Variants in MTPAP observed in about 807,000 individuals in gnomAD.
MTPAP encodes poly(A) RNA polymerase, mitochondrial.
MTPAP carries 23 observed loss-of-function variants against 48.7 expected under a neutral mutation model. That is an observed-to-expected ratio of 0.47 (90% confidence interval 0.34 to 0.67). The LOEUF (loss-of-function observed/expected upper bound fraction) is 0.67, where lower values mean the gene tolerates loss of function less well. Among genes scored for constraint, MTPAP ranks in the 30% least tolerant of loss-of-function variants. MTPAP has a pLI of 0.01. For synonymous variants in MTPAP, 257 were observed against 254.1 expected (o/e 1.01, Z -0.11); for missense variants, 614 against 694.3 (o/e 0.88, Z 1.30).
Position 30,313,226 on chromosome 10 carries a change from A to G in MTPAP, c.*383T>C. On this transcript the variant is annotated 3_prime_UTR_variant, in exon 9 of 9. Coordinates refer to ENST00000263063, the MANE Select transcript of MTPAP (RefSeq NM_018109.4). ...TTTACCTATTTAGTTAAAGCACATT[A>G]CAATAATCTTTCACCCATTCCTTGT... 4.1e-6 allele frequency: 1 copy of G among 246,264 alleles called. No homozygotes were observed. Among genetic ancestry groups the G allele is most frequent in the Non-Finnish European group, 8.0e-6 (1 of 125,146 alleles). The allele number at this position is 246,264 out of a possible 1,614,324, so 15.3% of individuals were successfully genotyped here. A position where few individuals can be genotyped will look rare whatever the true frequency, so the allele number is the denominator to read the frequency against.
rs141051434 is a variant in MTPAP at position 30,333,663 on chromosome 10, G to A, written c.780+3140C>T. ...GCTTACGCTTGTAATCCCTATAATCGTAGCACTTGGGGAGGCCGAGGTGGG... is the reference window on the plus strand; with the variant it reads ...GCTTACGCTTGTAATCCCTATAATCATAGCACTTGGGGAGGCCGAGGTGGG... On this transcript the variant is annotated intron_variant, in intron 4 of 8. Transcript: ENST00000263063. Among the ~76,000 whole-genome samples, 168 of 152,212 alleles carry A rather than the reference G, an allele frequency of 1.1e-3. 2 individuals are homozygous for A. Among genetic ancestry groups the A allele is most frequent in the African/African-American group, 3.8e-3 (159 of 41,514 alleles).
chr10:30,335,211 G>A (rs550009272), intron 4 of MTPAP, among the ~76,000 whole-genome samples: 4 of 152,214 alleles, frequency 2.6e-5, no homozygotes, highest in Non-Finnish European at 5.9e-5. Context: ...CCTTGGCCGC[G>A]TGTGGTGACT....
intron 4 of MTPAP, among the ~76,000 whole-genome samples, chr10:30,329,836 C>T (rs1422351356): frequency 6.6e-6 from 1 of 151,956 alleles, no homozygotes; most frequent in Non-Finnish European, 1.5e-5. Flanking sequence ...AATTATGGTA[C>T]ATCCATTCAA....
Position 30,315,502 on chromosome 10 carries a change from CA to C in MTPAP, c.1386+460del, listed in dbSNP as rs72362075. Among the ~76,000 whole-genome samples, 77 of 127,228 alleles carry C rather than the reference CA, an allele frequency of 6.1e-4. 1 individual carries two copies. Among genetic ancestry groups the C allele is most frequent in the Admixed American group, 4.9e-3 (58 of 11,956 alleles). 83.5% of individuals were successfully genotyped at this position (127,228 alleles called of 152,430 possible). On this transcript the variant is annotated intron_variant, in intron 8 of 8. Coordinates refer to ENST00000263063, the MANE Select transcript of MTPAP (RefSeq NM_018109.4). The stretch of plus-strand genomic sequence containing the variant: ...AATCCAAATCGTAAGTTCATTTGCT[CA>C]AAAAAAAAAAACAAAACAAAACAAA...
At chr10:30,315,780 A>G (rs1287569282) in intron 8 of MTPAP, among the ~76,000 whole-genome samples, 183 bp downstream of exon 8, 1 of 152,234 alleles carries the variant, frequency 6.6e-6, no homozygotes, top group Non-Finnish European at 1.5e-5. Context: ...ACTATTTGGC[A>G]TAAAGGGATG....
At position 30,347,144 on chromosome 10, in the gene MTPAP, T is replaced by C. The variant is rs537136591; in HGVS notation, c.157+1975A>G. Among the ~76,000 whole-genome samples the C allele has an allele frequency of 9.8e-4, 149 of 152,336 alleles. 1 individual carries two copies. Among genetic ancestry groups the C allele is most frequent in the African/African-American group, 3.5e-3 (146 of 41,576 alleles). ...ATCCCGAATAATACACCATGTACTCTTATTGTCTTTCTACTACAGCTCTTT... is the reference window on the plus strand; with the variant it reads ...ATCCCGAATAATACACCATGTACTCCTATTGTCTTTCTACTACAGCTCTTT... On this transcript the variant is annotated intron_variant, in intron 1 of 8. Coordinates refer to ENST00000263063, the MANE Select transcript of MTPAP (RefSeq NM_018109.4).
intron 5 of MTPAP, among the ~76,000 whole-genome samples, chr10:30,323,148 AAAG>A (rs1840745774): frequency 7.0e-6 from 1 of 143,028 alleles, no homozygotes. Flanking sequence ...AAAAAAAAAA[AAAG>A]AAAGAAAATG....
At chr10:30,320,792 A>G (rs1840715952) in intron 6 of MTPAP, among the ~76,000 whole-genome samples, 1 of 152,192 alleles carries the variant, frequency 6.6e-6, no homozygotes, top group African/African-American at 2.4e-5. Flanking sequence ...CAAGATGCTT[A>G]GGAGTAGTCT....
At chr10:30,330,584 G>A (rs1834653629) in intron 4 of MTPAP, among the ~76,000 whole-genome samples, 2 of 152,200 alleles carry the variant, frequency 1.3e-5, no homozygotes, top group Admixed American at 1.3e-4. Flanking sequence ...AAATAGCTCT[G>A]ATTAATGGAA....
chr10:30,315,873 C>A, intron 8 of MTPAP, 90 bp downstream of exon 8: 1 of 1,282,056 alleles, frequency 7.8e-7, no homozygotes, highest in Non-Finnish European at 1.1e-6. Context: ...AAATAAATAA[C>A]ATTTATTAGA....
chr10:30,348,493 C>G (rs1834896633), intron 1 of MTPAP, among the ~76,000 whole-genome samples: 1 of 152,160 alleles, frequency 6.6e-6, no homozygotes, highest in African/African-American at 2.4e-5. Flanking sequence ...GCTCTTGAGT[C>G]ACAAGAGAGG....
At chr10:30,314,918 A>G (rs1280925716) in intron 8 of MTPAP, among the ~76,000 whole-genome samples, 1 of 151,822 alleles carries the variant, frequency 6.6e-6, no homozygotes, top group East Asian at 1.9e-4. Context: ...AGAGAAAAGA[A>G]AAAGAAAAGC....
intron 1 of MTPAP, among the ~76,000 whole-genome samples, chr10:30,345,936 T>C (rs1834868941): frequency 6.6e-6 from 1 of 150,966 alleles, no homozygotes; most frequent in South Asian, 2.1e-4. Context: ...TAATCCCAGG[T>C]ACTCAAGAGG....
intron 2 of MTPAP, among the ~76,000 whole-genome samples, chr10:30,341,166 G>A (rs915614214): frequency 2.0e-5 from 3 of 152,066 alleles, no homozygotes; most frequent in South Asian, 2.1e-4. Flanking sequence ...CAATATGATC[G>A]TACCTGCCAA....
chr10:30,326,488 A>G lies in MTPAP; in HGVS notation c.928T>C (p.Cys310Arg). The stretch of plus-strand genomic sequence containing the variant: ...TGGTGTGAGAACCTCACGAGCGGAC[A>G]CCGGGCATTTAATATTTTTTGCACA... Reference protein sequence around the residue: ...VGVQKILNARCPLVRFSHQAS... With the variant: ...VGVQKILNARRPLVRFSHQAS... The change falls in exon 5 of 9, where the codon TGT (cysteine) becomes CGT (arginine). Residue 310 changes from cysteine to arginine, a missense_variant. By Grantham distance (180) the Cys-to-Arg change is radical. This residue lies in a region of MTPAP where 261 missense variants were observed against 355.4 expected (regional missense o/e 0.73). Coordinates refer to ENST00000263063, the MANE Select transcript of MTPAP (RefSeq NM_018109.4). 1 of 1,614,158 alleles carries G rather than the reference A, an allele frequency of 6.2e-7. No homozygotes were observed. The highest frequency in any genetic ancestry group is 8.5e-7 in the Non-Finnish European group (1 of 1,180,024).
chr10:30,341,429 AG>A, intron 2 of MTPAP, 38 bp downstream of exon 2: 3 of 1,592,696 alleles, frequency 1.9e-6, no homozygotes, highest in Non-Finnish European at 2.6e-6. Flanking sequence ...ACCCTTGAAA[AG>A]CATAAACGTT....
At chr10:30,338,505 A>G (rs887266179) in intron 3 of MTPAP, among the ~76,000 whole-genome samples, 4 of 151,488 alleles carry the variant, frequency 2.6e-5, no homozygotes, top group Non-Finnish European at 5.9e-5. Flanking sequence ...GAAACCCCAA[A>G]TCTACTAAAA....
intron 1 of MTPAP, among the ~76,000 whole-genome samples, chr10:30,342,403 A>G (rs1834821836): frequency 6.6e-6 from 1 of 152,218 alleles, no homozygotes; most frequent in African/African-American, 2.4e-5. Flanking sequence ...GAAACTGTGG[A>G]CAGTGAAAAC....
At chr10:30,343,795 T>C (rs1834839395) in intron 1 of MTPAP, among the ~76,000 whole-genome samples, 1 of 152,068 alleles carries the variant, frequency 6.6e-6, no homozygotes, top group Non-Finnish European at 1.5e-5. Flanking sequence ...CTTGAACTGC[T>C]GACCTCAAGC....
Sources: allele counts gnomAD v4.1 joint callset (sites outside exome capture counted in the v4.1 genomes callset), GRCh38; gene constraint gnomAD v4.1.1; regional missense constraint gnomAD v4.1.1; transcripts MANE v1.5; gene names NCBI Gene and HGNC (gene_info 2026-07-23, HGNC 2026-07-21).